Variants in SOX5 observed in about 807,000 individuals in gnomAD.
SOX5 encodes the protein transcription factor SOX-5.
Under a neutral mutation model 92.0 loss-of-function variants are expected in SOX5, and 9 were observed. The ratio of observed to expected loss-of-function variants is 0.10; its 90% CI spans 0.06 to 0.17. The LOEUF (loss-of-function observed/expected upper bound fraction) is 0.17. Among genes scored for constraint, SOX5 ranks in the 10% least tolerant of loss-of-function variants. The probability of loss-of-function intolerance (pLI) is 1.00; values close to 1 mark genes in which losing one functional copy is unlikely to be tolerated. For missense variants in SOX5, 642 were observed against 944.5 expected, an observed-to-expected ratio of 0.68 and a Z score of 4.20; for synonymous variants, 344 against 336.3, an observed-to-expected ratio of 1.02 and a Z score of -0.25.
chr12:23,587,770 CAT>C (rs1252189105), intron 9 of SOX5, among the ~76,000 whole-genome samples: 2 of 152,096 alleles, frequency 1.3e-5, no homozygotes, highest in African/African-American at 4.8e-5. Context: ...ACTTAATACA[CAT>C]GTCAATTTAT....
At chr12:24,374,833 C>T (rs1957090287) in intron 1 of SOX5, among the ~76,000 whole-genome samples, 2 of 152,290 alleles carry the variant, frequency 1.3e-5, no homozygotes, top group South Asian at 4.1e-4. Context: ...AAGATGGTTT[C>T]TTTAGTTGGG....
intron 2 of SOX5, among the ~76,000 whole-genome samples, chr12:24,333,822 T>C (rs1391473995): frequency 1.4e-5 from 2 of 147,524 alleles, no homozygotes; most frequent in Non-Finnish European, 3.0e-5. Flanking sequence ...TTTTTGGATA[T>C]TTTATAATGT....
intron 8 of SOX5, among the ~76,000 whole-genome samples, chr12:23,634,446 GTGAAAGAAT>G (rs1309817020): frequency 6.6e-6 from 1 of 152,044 alleles, no homozygotes; most frequent in East Asian, 1.9e-4. Context: ...CATGAATGAA[GTGAAAGAAT>G]TAGCCTTCCA....
chr12:23,739,212 G>A (rs2093709075), intron 5 of SOX5, among the ~76,000 whole-genome samples: 3 of 152,314 alleles, frequency 2.0e-5, no homozygotes, highest in East Asian at 1.9e-4. Context: ...GAACATGGAA[G>A]AGGAAAAGGA....
In SOX5 at chr12:24,216,254, C is replaced by A. The variant is rs1309619137; in HGVS notation, c.-76-2837G>T. On this transcript the variant is annotated intron_variant, in intron 3 of 4. Coordinates refer to the SOX5 transcript ENST00000446891. ...ATCCCAGCACTTTGGGAGGCCGAGG[C>A]GGACGGATCACGAGGTCAGGAGATC... 4.7e-5 allele frequency among the ~76,000 whole-genome samples: 7 copies of A among 150,214 alleles called. No homozygotes were observed. In the East Asian group the frequency reaches 1.4e-3, roughly 30 times the overall value.
rs553029101 is a variant in SOX5, at chr12:23,770,175, C to T, written c.482-14451G>A. ...TTCAGAACCAGCTCTTTCTTCCTCCCCTATCCGTGGCAGAAACTCACCTCT... is the reference window on the plus strand; with the variant it reads ...TTCAGAACCAGCTCTTTCTTCCTCCTCTATCCGTGGCAGAAACTCACCTCT... On this transcript the variant is annotated intron_variant, in intron 3 of 14. Coordinates refer to ENST00000451604, the MANE Select transcript of SOX5 (RefSeq NM_006940.6). 6.1e-4 allele frequency among the ~76,000 whole-genome samples: 92 copies of T among 151,950 alleles called. 2 individuals carry two copies. In the South Asian group the frequency reaches 0.015, roughly 25 times the overall value.
At chr12:23,576,522 G>T (rs1221306759) in intron 9 of SOX5, among the ~76,000 whole-genome samples, 4 of 152,126 alleles carry the variant, frequency 2.6e-5, no homozygotes, top group African/African-American at 9.7e-5. Flanking sequence ...AAATCCAGAT[G>T]TGTTTTCTAG....
At chr12:23,552,155 G>A (rs953112724) in intron 11 of SOX5, among the ~76,000 whole-genome samples, 2 of 151,930 alleles carry the variant, frequency 1.3e-5, no homozygotes, top group South Asian at 4.1e-4. Context: ...CAAAACTGAT[G>A]ACAAATATCT....
At chr12:23,593,307 T>G (rs897324469) in intron 9 of SOX5, among the ~76,000 whole-genome samples, 1 of 152,130 alleles carries the variant, frequency 6.6e-6, no homozygotes, top group Non-Finnish European at 1.5e-5. Flanking sequence ...CATTTAATAC[T>G]AATCAAGTCA....
chr12:23,809,797 T>A (rs997372924), intron 3 of SOX5, among the ~76,000 whole-genome samples: 1 of 147,950 alleles, frequency 6.8e-6, no homozygotes, highest in Non-Finnish European at 1.5e-5. Context: ...TTGACATTAC[T>A]ACACATTTTT....
At chr12:23,835,446 G>A (rs2096398419) in intron 3 of SOX5, among the ~76,000 whole-genome samples, 1 of 151,666 alleles carries the variant, frequency 6.6e-6, no homozygotes, top group African/African-American at 2.4e-5. Context: ...ATGTATCTAT[G>A]TTTCACCCAA....
intron 4 of SOX5, among the ~76,000 whole-genome samples, chr12:24,199,221 C>T (rs769753172): frequency 3.3e-5 from 5 of 152,180 alleles, no homozygotes; most frequent in African/African-American, 4.8e-5. Context: ...GACAGGACAA[C>T]GGTACAATGC....
chr12:24,499,562 T>A (rs1947984020), intron 1 of SOX5, among the ~76,000 whole-genome samples: 1 of 152,152 alleles, frequency 6.6e-6, no homozygotes, highest in Non-Finnish European at 1.5e-5. Flanking sequence ...GAGCTAACAT[T>A]ATGGAGGGTC....
At chr12:23,568,216 T>C (rs550436995) in intron 10 of SOX5, among the ~76,000 whole-genome samples, 34 of 151,944 alleles carry the variant, frequency 2.2e-4, no homozygotes, top group Non-Finnish European at 4.6e-4. Flanking sequence ...GAGATTGGAG[T>C]TATGCATCTA....
At chr12:24,524,377 A>ATCTG (rs1475108281) in intron 1 of SOX5, among the ~76,000 whole-genome samples, 1 of 151,754 alleles carries the variant, frequency 6.6e-6, no homozygotes, top group Non-Finnish European at 1.5e-5. Context: ...CTATCTATCT[A>ATCTG]TCTATCTATC....
chr12:23,542,708 G>A (rs935607130), intron 13 of SOX5, among the ~76,000 whole-genome samples: 2 of 152,104 alleles, frequency 1.3e-5, no homozygotes, highest in Non-Finnish European at 2.9e-5. Flanking sequence ...ATCTAAAACT[G>A]ATTTTCAATT....
At chr12:23,767,215 AACACAC>A (rs35485466) in intron 3 of SOX5, among the ~76,000 whole-genome samples, 5,791 of 137,854 alleles carry the variant, frequency 0.042, 364 homozygotes, top group African/African-American at 0.14. Flanking sequence ...AAAAAACAGA[AACACAC>A]ACACACACAC....
At chr12:23,848,834 G>A (rs1036141011) in intron 2 of SOX5, among the ~76,000 whole-genome samples, 1 of 152,138 alleles carries the variant, frequency 6.6e-6, no homozygotes, top group Non-Finnish European at 1.5e-5. Flanking sequence ...TGTGATATAC[G>A]ACCTCTAAAT....
At chr12:24,328,912 T>G (rs1950998082) in intron 2 of SOX5, among the ~76,000 whole-genome samples, 1 of 152,216 alleles carries the variant, frequency 6.6e-6, no homozygotes, top group African/African-American at 2.4e-5. Flanking sequence ...ACCCTAATAA[T>G]ATTTGGCTCT....
Sources: gnomAD v4.1 joint callset for allele counts (sites outside exome capture counted in the v4.1 genomes callset) on GRCh38, gnomAD v4.1.1 for gene constraint, MANE v1.5 for transcripts, NCBI Gene and HGNC (gene_info 2026-07-23, HGNC 2026-07-21) for gene names.